OR1S1: variants seen among roughly 807,000 people sequenced by gnomAD.
OR1S1 encodes olfactory receptor 1S1.
For missense variants in OR1S1, 411 were observed against 367.5 expected (o/e 1.12, Z -0.97); for synonymous variants, 156 against 143.9 (o/e 1.08, Z -0.60).
At chr11:58,215,755 T>G (rs371124882) in exon 2 of OR1S1, 1 of 1,586,850 alleles carries the variant, frequency 6.3e-7, no homozygotes, top group African/African-American at 1.4e-5. Context: ...TTAGTCCACA[T>G]AATCAGATAA....
exon 2 of OR1S1, chr11:58,215,887 G>A (rs1852934154): frequency 3.6e-6 from 3 of 822,496 alleles, no homozygotes; most frequent in East Asian, 5.0e-5. Flanking sequence ...CTCTTGTCTT[G>A]GAAACAAAAC....
At chr11:58,215,544 C>G (rs557617204) in exon 2 of OR1S1, 1 of 1,614,094 alleles carries the variant, frequency 6.2e-7, no homozygotes, top group Non-Finnish European at 8.5e-7. Flanking sequence ...TTCTACGGAA[C>G]CATTGTAGGC....
At chr11:58,212,883 T>C (rs1264117563) in intron 1 of OR1S1, 46 bp downstream of exon 1, 1 of 152,270 alleles carries the variant, frequency 6.6e-6, no homozygotes, top group Non-Finnish European at 1.5e-5. Flanking sequence ...AGATTGTCAC[T>C]CAGAAACATA....
intron 1 of OR1S1, among the ~76,000 whole-genome samples, chr11:58,213,074 G>A (rs953616547): frequency 1.3e-5 from 2 of 152,188 alleles, no homozygotes; most frequent in Admixed American, 6.5e-5. Flanking sequence ...GGAGGAAAGA[G>A]ACTTCAGATC....
Sources: gnomAD v4.1 joint callset for allele counts (sites outside exome capture counted in the v4.1 genomes callset) on GRCh38, gnomAD v4.1.1 for gene constraint, MANE v1.5 for transcripts, NCBI Gene and HGNC (gene_info 2026-07-23, HGNC 2026-07-21) for gene names.